Variants in R3HCC1L observed in about 807,000 individuals in gnomAD.
The protein encoded by R3HCC1L is coiled-coil domain-containing protein R3HCC1L.
A neutral mutation model predicts 59.9 loss-of-function variants in R3HCC1L; 51 were observed. The ratio of observed to expected loss-of-function variants is 0.85; its 90% confidence interval spans 0.68 to 1.07. The LOEUF is 1.07. Among genes scored for constraint, R3HCC1L ranks in the 50% least tolerant of loss-of-function variants. The pLI, the probability that R3HCC1L is intolerant of heterozygous loss-of-function variation, is 0.00. For synonymous variants in R3HCC1L, 322 were observed against 315.2 expected, an observed-to-expected ratio of 1.02 and a Z score of -0.23; for missense variants, 965 against 933.0, an observed-to-expected ratio of 1.03 and a Z score of -0.45.
Position 98,183,970 on chromosome 10 carries a change from T to C in R3HCC1L, c.-15+20573T>C, listed in dbSNP as rs558068561. ...TGCTCCTTTTTCGGTTTTTTTTTTTTTTTGGTTGAAATCTGGACATTTTGT... is the reference window on the plus strand; with the variant it reads ...TGCTCCTTTTTCGGTTTTTTTTTTTCTTTGGTTGAAATCTGGACATTTTGT... On this transcript the variant is annotated intron_variant, in intron 4 of 9. Coordinates refer to ENST00000298999, the MANE Select transcript of R3HCC1L (RefSeq NM_001351015.2). Among the ~76,000 whole-genome samples the C allele has an allele frequency of 1.0e-3, 155 of 151,498 alleles. 1 individual carries two copies. Among genetic ancestry groups the C allele is most frequent in the Middle Eastern group, 3.4e-3 (1 of 294 alleles).
rs1469866278 is a variant in R3HCC1L, at chr10:98,209,678, C to CTAAG, written c.1565_1568dup (p.Arg523SerfsTer14). ...TGATACAACAGAAGCATTGCACGAA[C>CTAAG]TAAGAACTGCCGAAGAGTTCAAAAC... On this transcript the variant is annotated frameshift_variant, in exon 5 of 10. Transcript: ENST00000298999. LOFTEE classifies it high-confidence loss of function. The CTAAG allele has an allele frequency of 6.2e-7, 1 of 1,613,972 alleles. No individual in the cohort carries two copies. The highest frequency in any genetic ancestry group is 8.5e-7 in the Non-Finnish European group (1 of 1,179,912).
intron 8 of R3HCC1L, 87 bp from the exon 9 acceptor site, chr10:98,235,937 G>T: frequency 7.1e-7 from 1 of 1,404,010 alleles, no homozygotes; most frequent in Non-Finnish European, 9.8e-7. Context: ...AGTCTATTTT[G>T]TATGTTAATT....
At chr10:98,221,721 C>G (rs1225878412) in intron 5 of R3HCC1L, among the ~76,000 whole-genome samples, 1 of 152,110 alleles carries the variant, frequency 6.6e-6, no homozygotes, top group African/African-American at 2.4e-5. Context: ...GGGCTCTGTT[C>G]TGTTCCATTG....
chr10:98,227,215 T>A (rs1228121496), intron 5 of R3HCC1L, among the ~76,000 whole-genome samples: 1 of 152,244 alleles, frequency 6.6e-6, no homozygotes, highest in Non-Finnish European at 1.5e-5. Context: ...GTCCATGCAC[T>A]TATCTATGAA....
intron 5 of R3HCC1L, among the ~76,000 whole-genome samples, chr10:98,217,393 T>C (rs1337754413): frequency 6.6e-6 from 1 of 152,196 alleles, no homozygotes; most frequent in Non-Finnish European, 1.5e-5. Context: ...TTTATACCAA[T>C]ACCATGCTGT....
At chr10:98,232,127 C>T (rs756100346) in intron 6 of R3HCC1L, among the ~76,000 whole-genome samples, 3 of 151,818 alleles carry the variant, frequency 2.0e-5, no homozygotes, top group Non-Finnish European at 2.9e-5. Context: ...TAGCTGGGAC[C>T]ACAGGTGTGT....
chr10:98,195,973 T>C (rs568442457), intron 4 of R3HCC1L, among the ~76,000 whole-genome samples: 5 of 152,330 alleles, frequency 3.3e-5, no homozygotes, highest in African/African-American at 1.2e-4. Flanking sequence ...TACTGAACTT[T>C]GCTAAGTCAA....
At chr10:98,209,976 A>G in intron 5 of R3HCC1L, 77 bp downstream of exon 5, 3 of 1,157,976 alleles carry the variant, frequency 2.6e-6, no homozygotes, top group Non-Finnish European at 3.7e-6. Flanking sequence ...ATAGACAGTG[A>G]TGCACATTCA....
At chr10:98,232,386 A>C (rs1460209295) in intron 6 of R3HCC1L, among the ~76,000 whole-genome samples, 1 of 152,124 alleles carries the variant, frequency 6.6e-6, no homozygotes, top group Non-Finnish European at 1.5e-5. Context: ...GAAAATATCA[A>C]CTCACACTGA....
intron 4 of R3HCC1L, among the ~76,000 whole-genome samples, chr10:98,185,805 G>GT (rs969749825): frequency 2.0e-5 from 3 of 152,172 alleles, no homozygotes; most frequent in African/African-American, 7.2e-5. Context: ...CTAGCTAATG[G>GT]TTTTGAAAAA....
intron 4 of R3HCC1L, among the ~76,000 whole-genome samples, chr10:98,202,473 A>G (rs1852158090): frequency 2.0e-5 from 3 of 152,320 alleles, no homozygotes; most frequent in East Asian, 1.9e-4. Context: ...CATCACCACC[A>G]TGAAGTGTTC....
At chr10:98,221,197 A>T (rs1291992622) in intron 5 of R3HCC1L, among the ~76,000 whole-genome samples, 1 of 151,756 alleles carries the variant, frequency 6.6e-6, no homozygotes, top group Admixed American at 6.6e-5. Context: ...GTGTCTGTTC[A>T]TGTCCTTCGC....
At chr10:98,164,967 AC>A (rs1160383080) in intron 4 of R3HCC1L, among the ~76,000 whole-genome samples, 1 of 152,160 alleles carries the variant, frequency 6.6e-6, no homozygotes, top group Non-Finnish European at 1.5e-5. Context: ...TGTCATCAAA[AC>A]TGTAAAGTTG....
rs879680296 is a variant in R3HCC1L, at chr10:98,236,165, G to A, written c.2269+1G>A. 6.2e-7 allele frequency: 1 copy of A among 1,613,482 alleles called. No homozygotes were observed. The highest frequency in any genetic ancestry group is 8.5e-7 in the Non-Finnish European group (1 of 1,179,762). On this transcript the variant is annotated splice_donor_variant, in intron 9 of 9. Transcript: ENST00000298999. LOFTEE classifies it high-confidence loss of function. Reference sequence around the variant, plus strand: ...CTCAAGAAACTGCAAGAAGCCAGAGGTGAGCTGAAAGGGTGGTGTTCTTCT... The same window carrying A: ...CTCAAGAAACTGCAAGAAGCCAGAGATGAGCTGAAAGGGTGGTGTTCTTCT...
chr10:98,187,082 A>G (rs1045683811), intron 4 of R3HCC1L, among the ~76,000 whole-genome samples: 2 of 152,112 alleles, frequency 1.3e-5, no homozygotes, highest in African/African-American at 4.8e-5. Flanking sequence ...TGCTTCATTC[A>G]TTGACTTATT....
At chr10:98,216,747 A>G (rs1439660354) in intron 5 of R3HCC1L, among the ~76,000 whole-genome samples, 1 of 151,972 alleles carries the variant, frequency 6.6e-6, no homozygotes, top group African/African-American at 2.4e-5. Flanking sequence ...TAATTTTTAA[A>G]AAATTTATTT....
chr10:98,203,772 T>G (rs560180185), intron 4 of R3HCC1L, among the ~76,000 whole-genome samples: 1 of 152,296 alleles, frequency 6.6e-6, no homozygotes, highest in South Asian at 2.1e-4. Context: ...TTAAAGGAAG[T>G]TACCAATATT....
intron 5 of R3HCC1L, among the ~76,000 whole-genome samples, chr10:98,225,464 T>G (rs1033475300): frequency 8.5e-5 from 13 of 152,266 alleles, no homozygotes; most frequent in African/African-American, 2.9e-4. Context: ...CAGTATGATA[T>G]CCTATCTCCA....
chr10:98,221,532 A>G (rs1252623377), intron 5 of R3HCC1L, among the ~76,000 whole-genome samples: 3 of 151,758 alleles, frequency 2.0e-5, no homozygotes, highest in Non-Finnish European at 2.9e-5. Flanking sequence ...TAAGTCTTTA[A>G]TCCATCTTGA....
Sources: gnomAD v4.1 joint callset for allele counts (sites outside exome capture counted in the v4.1 genomes callset) on GRCh38, gnomAD v4.1.1 for gene constraint, MANE v1.5 for transcripts, NCBI Gene and HGNC (gene_info 2026-07-23, HGNC 2026-07-21) for gene names.